The following PKN3 variants were observed in gnomAD, a reference collection of about 807,000 sequenced individuals.
PKN3 encodes the protein serine/threonine-protein kinase N3.
In PKN3, 91 loss-of-function variants were observed where a neutral mutation model predicts 113.1. The ratio of observed to expected loss-of-function variants is 0.80; its 90% confidence interval spans 0.68 to 0.96. The LOEUF (loss-of-function observed/expected upper bound fraction) is 0.96, where lower values mean the gene tolerates loss of function less well. Ranked by LOEUF, PKN3 falls within the 40% of genes least tolerant of loss-of-function variation. The probability of loss-of-function intolerance (pLI) is 0.00; values close to 1 mark genes in which losing one functional copy is unlikely to be tolerated. For synonymous variants in PKN3, 467 were observed against 499.0 expected, an observed-to-expected ratio of 0.94 and a Z score of 0.85; for missense variants, 1,052 against 1,202.2, an observed-to-expected ratio of 0.88 and a Z score of 1.85.
chr9:128,718,764 G>A, intron 18 of PKN3, 139 bp downstream of exon 18: 1 of 756,566 alleles, frequency 1.3e-6, no homozygotes, highest in Non-Finnish European at 2.3e-6. Flanking sequence ...CCTCATTCCA[G>A]GGGACAGCTG....
chr9:128,703,595 G>T, intron 1 of PKN3: 1 of 985,446 alleles, frequency 1.0e-6, no homozygotes, highest in Non-Finnish European at 1.2e-6. Flanking sequence ...GTGGTGTCCT[G>T]TTCCGGAGCG....
Position 128,713,148 on chromosome 9 carries a change from G to T in PKN3, c.932G>T (p.Gly311Val). ...GCACTGGCCAGCAGCCCCTCCGAGGGCTGGCTTCGGACCAAGGCCAAGCAC... is the reference window on the plus strand; with the variant it reads ...GCACTGGCCAGCAGCCCCTCCGAGGTCTGGCTTCGGACCAAGGCCAAGCAC... The part of the protein sequence containing the change: ...AAALASSPSE[G>V]WLRTKAKHQR... Residue 311 changes from glycine (G) to valine (V), a missense_variant, in exon 7 of 22, where the codon GGC becomes GTC. By Grantham distance (109) the Gly-to-Val change is moderately radical. This residue lies in a region of PKN3 where 719 missense variants were observed against 759.4 expected (regional missense o/e 0.95). Coordinates refer to ENST00000291906, the MANE Select transcript of PKN3 (RefSeq NM_013355.5). 6.2e-7 allele frequency: 1 copy of T among 1,611,546 alleles called. No homozygotes were observed. The highest frequency in any genetic ancestry group is 8.5e-7 in the Non-Finnish European group (1 of 1,178,728).
chr9:128,719,575 C>T, intron 18 of PKN3, 111 bp from the exon 19 acceptor site: 2 of 1,100,894 alleles, frequency 1.8e-6, no homozygotes, highest in Admixed American at 2.3e-5. Context: ...TCCTTGGGTA[C>T]AGGGCAGGGC....
intron 19 of PKN3, 26 bp downstream of exon 19, chr9:128,719,854 G>A (rs768838025): frequency 1.9e-6 from 3 of 1,604,504 alleles, no homozygotes; most frequent in Non-Finnish European, 2.6e-6. Flanking sequence ...TGTTTCCTGG[G>A]CCTCTGGGTG....
At position 128,720,406 on chromosome 9, in the gene PKN3, C is replaced by G. The variant is rs1157627124; in HGVS notation, c.2470C>G (p.Gln824Glu). The G allele has an allele frequency of 2.5e-6, 4 of 1,613,166 alleles. No individual in the cohort carries two copies. The highest frequency in any genetic ancestry group is 1.1e-5 in the South Asian group (1 of 91,078). Residue 824 changes from glutamine to glutamate, a missense_variant, in exon 22 of 22, where the codon CAA (glutamine) becomes GAA (glutamate). Gln to Glu is a conservative substitution (Grantham distance 29). Transcript: ENST00000291906. This position sits in a 1 kb window ranked among gnomAD's most constrained non-coding sequence, Gnocchi z 5.5. ...VQPFFRTTNWQALLARTIQPP... is the reference protein window; with the variant it reads ...VQPFFRTTNWEALLARTIQPP... ...CCTTTGCCCTCAGACCACCAACTGGCAAGCCCTGCTCGCCCGCACCATCCA... is the reference window on the plus strand; with the variant it reads ...CCTTTGCCCTCAGACCACCAACTGGGAAGCCCTGCTCGCCCGCACCATCCA...
At chr9:128,718,236 T>TC in intron 16 of PKN3, 89 bp from the exon 17 acceptor site, 3 of 957,398 alleles carry the variant, frequency 3.1e-6, no homozygotes, top group Non-Finnish European at 3.4e-6. Context: ...ACATCCGGGA[T>TC]CCCCCCGCTA....
intron 6 of PKN3, among the ~76,000 whole-genome samples, chr9:128,708,184 C>A (rs1028686262): frequency 6.6e-5 from 10 of 151,468 alleles, no homozygotes; most frequent in Non-Finnish European, 1.0e-4. Context: ...AGTTCAAGAC[C>A]AGCCTGGCCA....
At position 128,714,822 on chromosome 9, in the gene PKN3, C is replaced by G; in HGVS notation, c.1609C>G (p.Pro537Ala). The change falls in exon 13 of 22, where the codon CCT becomes GCT. Residue 537 changes from proline to alanine, a missense_variant. Pro to Ala is a conservative substitution (Grantham distance 27). Transcript: ENST00000291906. ...GCGCACCAAACGTCCCCATATGGAG[C>G]CTAGGACTCGACGTGGGCCATCTCC... The part of the protein sequence containing the change: ...TPRTKRPHME[P>A]RTRRGPSPPA... The G allele has an allele frequency of 1.2e-6, 2 of 1,614,046 alleles. No individual in the cohort carries two copies. The highest frequency in any genetic ancestry group is 1.7e-6 in the Non-Finnish European group (2 of 1,179,970).
chr9:128,706,735 C>A lies in PKN3; in HGVS notation c.434C>A (p.Ala145Asp), dbSNP rs1437816011. Residue 145 changes from alanine to aspartate, a missense_variant, in exon 4 of 22, where the codon GCC becomes GAC. Transcript: ENST00000291906. Reference sequence around the variant, plus strand: ...TAGGAGAGGAAGCTCCTGGCAGCTGCCCAGCAGATGCTGCGGGACAGCCAG... The same window carrying A: ...TAGGAGAGGAAGCTCCTGGCAGCTGACCAGCAGATGCTGCGGGACAGCCAG... ...TPKERKLLAA[A>D]QQMLRDSQLK... is the part of the protein sequence containing the mutation. 1 of 1,594,130 alleles carries A rather than the reference C, an allele frequency of 6.3e-7. No individual in the cohort carries two copies. The highest frequency in any genetic ancestry group is 1.3e-5 in the African/African-American group (1 of 74,740).
At chr9:128,717,113 G>GTTTTTTTTTTT (rs1554781180) in intron 16 of PKN3, among the ~76,000 whole-genome samples, 190 bp downstream of exon 16, 8 of 14,440 alleles carry the variant, frequency 5.5e-4, no homozygotes, top group Admixed American at 9.5e-4. Context: ...TGTGCATTAG[G>GTTTTTTTTTTT]TTTCTTTTTT....
chr9:128,707,451 G>T, intron 6 of PKN3, 46 bp downstream of exon 6: 1 of 1,511,576 alleles, frequency 6.6e-7, no homozygotes, highest in South Asian at 1.2e-5. Flanking sequence ...TCTTTTTGGG[G>T]GGAGGCCGGA....
At chr9:128,717,465 C>T (rs1301910602) in intron 16 of PKN3, among the ~76,000 whole-genome samples, 1 of 151,542 alleles carries the variant, frequency 6.6e-6, no homozygotes, top group Non-Finnish European at 1.5e-5. Flanking sequence ...GCATGATTGG[C>T]CGGGCACCTG....
chr9:128,704,244 C>T, intron 1 of PKN3: 3 of 687,642 alleles, frequency 4.4e-6, no homozygotes, highest in Non-Finnish European at 5.4e-6. Flanking sequence ...GGAGGTGTTC[C>T]TGTTCCTGGC....
chr9:128,705,601 G>T, intron 2 of PKN3, 58 bp downstream of exon 2: 2 of 1,545,360 alleles, frequency 1.3e-6, no homozygotes, highest in Non-Finnish European at 1.7e-6. Flanking sequence ...TCTGGCCCCT[G>T]GCCTTGGCCC....
chr9:128,720,142 T>C lies in PKN3; in HGVS notation c.2377-61T>C. ...GCTCTGGGCCAGCGTGCTTGGGGCC[T>C]GTGGATGATGGCAGTGCCTGGGGCT... On this transcript the variant is annotated intron_variant, in intron 20 of 21. Coordinates refer to ENST00000291906, the MANE Select transcript of PKN3 (RefSeq NM_013355.5). The surrounding 1 kb of genome is among the most constrained non-coding windows in gnomAD (Gnocchi z 5.5). The C allele has an allele frequency of 6.4e-7, 1 of 1,565,606 alleles. No individual in the cohort carries two copies. The highest frequency in any genetic ancestry group is 8.8e-7 in the Non-Finnish European group (1 of 1,139,834).
chr9:128,708,407 G>GA (rs1032679213), intron 6 of PKN3, among the ~76,000 whole-genome samples: 2 of 151,132 alleles, frequency 1.3e-5, no homozygotes, highest in Non-Finnish European at 2.9e-5. Context: ...AATTTCCTTG[G>GA]AAAAAAAATA....
At position 128,707,365 on chromosome 9, in the gene PKN3, C is replaced by T. The variant is rs1314120991; in HGVS notation, c.795C>T (p.Pro265=). 3.1e-6 allele frequency: 5 copies of T among 1,613,038 alleles called. No homozygotes were observed. The highest frequency in any genetic ancestry group is 4.2e-6 in the Non-Finnish European group (5 of 1,179,586). ...RELRAAVPGY[P]QPSGTPVKPT... ...TGCGGGCTGCGGTGCCTGGATACCCCCAGCCTTCAGGGACACCTGTGAAGC... is the reference window on the plus strand; with the variant it reads ...TGCGGGCTGCGGTGCCTGGATACCCTCAGCCTTCAGGGACACCTGTGAAGC... Residue 265 remains proline, a synonymous_variant, in exon 6 of 22, where the codon CCC becomes CCT. Transcript: ENST00000291906.
At chr9:128,708,107 A>G (rs1366416913) in intron 6 of PKN3, among the ~76,000 whole-genome samples, 1 of 144,578 alleles carries the variant, frequency 6.9e-6, no homozygotes, top group East Asian at 2.1e-4. Context: ...TGGGCCAGGC[A>G]TGGTGGCTCA....
chr9:128,718,749 CCAGACCT>C, intron 18 of PKN3, 124 bp downstream of exon 18: 1 of 866,970 alleles, frequency 1.2e-6, no homozygotes, highest in Non-Finnish European at 1.9e-6. Context: ...TTCCACCACC[CCAGACCT>C]CATTCCAGGG....
Sources: gnomAD v4.1 joint callset for allele counts (sites outside exome capture counted in the v4.1 genomes callset) on GRCh38, gnomAD v4.1.1 for gene constraint, gnomAD v4.1.1 regional missense constraint, Gnocchi (gnomAD v3.1) non-coding constraint, MANE v1.5 for transcripts, NCBI Gene and HGNC (gene_info 2026-07-23, HGNC 2026-07-21) for gene names.